The following INPP5A variants were observed in gnomAD, a reference collection of about 807,000 sequenced individuals.
INPP5A encodes 43 kDa inositol polyphosphate 5-phophatase.
In INPP5A, 14 loss-of-function variants were observed where a neutral mutation model predicts 65.2. That is an observed-to-expected ratio of 0.21 (90% CI 0.14 to 0.34). INPP5A has a LOEUF of 0.34. Among genes scored for constraint, INPP5A ranks in the 10% least tolerant of loss-of-function variants. The pLI, the probability that INPP5A is intolerant of heterozygous loss-of-function variation, is 1.00. For synonymous variants in INPP5A, 207 were observed against 208.3 expected (o/e 0.99, Z 0.05); for missense variants, 431 against 545.6 (o/e 0.79, Z 2.09).
At chr10:132,618,998 CTG>C (rs944637146) in intron 2 of INPP5A, among the ~76,000 whole-genome samples, 1 of 152,310 alleles carries the variant, frequency 6.6e-6, no homozygotes, top group African/African-American at 2.4e-5. Flanking sequence ...AATATACAAA[CTG>C]TATCATTCTG....
chr10:132,544,043 G>A (rs1021964817), intron 1 of INPP5A, among the ~76,000 whole-genome samples: 9 of 152,260 alleles, frequency 5.9e-5, no homozygotes, highest in Non-Finnish European at 1.0e-4. Flanking sequence ...TTGAGGGCCT[G>A]TCAGGCAGTC....
intron 11 of INPP5A, among the ~76,000 whole-genome samples, chr10:132,758,062 T>C (rs56184811): frequency 0.058 from 5,364 of 92,310 alleles, 148 homozygotes; most frequent in African/African-American, 0.12. Context: ...CAGGCCAGTG[T>C]GATGTCGTGG....
chr10:132,663,185 C>G lies in INPP5A; in HGVS notation c.306+12680C>G, dbSNP rs996401470. ...ATTTTCCATTTTATATACACATATGCGTATGTTATATAAAATTGAAAAGAC... is the reference window on the plus strand; with the variant it reads ...ATTTTCCATTTTATATACACATATGGGTATGTTATATAAAATTGAAAAGAC... On this transcript the variant is annotated intron_variant, in intron 4 of 15. Coordinates refer to ENST00000368594, the MANE Select transcript of INPP5A (RefSeq NM_005539.5). This position sits in a 1 kb window ranked among gnomAD's most constrained non-coding sequence, Gnocchi z 4.5. Among the ~76,000 whole-genome samples, 1 of 152,156 alleles carries G rather than the reference C, an allele frequency of 6.6e-6. No homozygotes were observed. The highest frequency in any genetic ancestry group is 1.9e-4 in the East Asian group (1 of 5,202).
chr10:132,704,576 G>A lies in INPP5A; in HGVS notation c.475-3737G>A, dbSNP rs1009054213. 1.3e-5 allele frequency among the ~76,000 whole-genome samples: 2 copies of A among 152,224 alleles called. No individual in the cohort carries two copies. The highest frequency in any genetic ancestry group is 4.8e-5 in the African/African-American group (2 of 41,456). On this transcript the variant is annotated intron_variant, in intron 6 of 15. Transcript: ENST00000368594. This position sits in a 1 kb window ranked among gnomAD's most constrained non-coding sequence, Gnocchi z 4.5. Reference sequence around the variant, plus strand: ...CTTGTACCCGAGGCCCCACAGCTGGGACTTGAACCTGGCAGCCTGGCAGTC... The same window carrying A: ...CTTGTACCCGAGGCCCCACAGCTGGAACTTGAACCTGGCAGCCTGGCAGTC...
intron 1 of INPP5A, among the ~76,000 whole-genome samples, chr10:132,569,622 G>T (rs1284618969): frequency 6.6e-6 from 1 of 152,154 alleles, no homozygotes; most frequent in Non-Finnish European, 1.5e-5. Context: ...CTCCCAAAGT[G>T]CTGGGATTAC....
chr10:132,759,221 T>C (rs911664677), intron 11 of INPP5A, among the ~76,000 whole-genome samples: 1 of 151,994 alleles, frequency 6.6e-6, no homozygotes, highest in Non-Finnish European at 1.5e-5. Context: ...GGACAGGAAG[T>C]CCCCAGGCCC....
At chr10:132,590,312 G>A (rs189109194) in intron 1 of INPP5A, among the ~76,000 whole-genome samples, 24 of 152,080 alleles carry the variant, frequency 1.6e-4, no homozygotes, top group East Asian at 5.8e-4. Flanking sequence ...TATCGTCTCC[G>A]TCTGTGATGA....
intron 2 of INPP5A, among the ~76,000 whole-genome samples, chr10:132,630,190 T>TGTCCATGAGGGGAAGGC (rs1564940933): frequency 2.6e-5 from 4 of 151,434 alleles, no homozygotes; most frequent in African/African-American, 9.7e-5. Flanking sequence ...GAGGGTAAGG[T>TGTCCATGAGGGGAAGGC]GTCCATGAGG....
At chr10:132,600,231 A>C (rs1409368790) in intron 1 of INPP5A, among the ~76,000 whole-genome samples, 2 of 152,250 alleles carry the variant, frequency 1.3e-5, no homozygotes, top group Non-Finnish European at 2.9e-5. Context: ...TGCCTTTAAC[A>C]GTACTGAAGT....
chr10:132,575,908 G>A lies in INPP5A; in HGVS notation c.76-32007G>A, dbSNP rs533346249. 6.6e-6 allele frequency among the ~76,000 whole-genome samples: 1 copy of A among 152,156 alleles called. No homozygotes were observed. The highest frequency in any genetic ancestry group is 1.5e-5 in the Non-Finnish European group (1 of 68,028). ...GGACCTGCTTGATGCCACTGACATC[G>A]CGGCTCTTGTGGACTGTGGAGCTGG... On this transcript the variant is annotated intron_variant, in intron 1 of 15. Coordinates refer to ENST00000368594, the MANE Select transcript of INPP5A (RefSeq NM_005539.5). This position sits in a 1 kb window ranked among gnomAD's most constrained non-coding sequence, Gnocchi z 5.4.
At position 132,726,770 on chromosome 10, in the gene INPP5A, GGGCTGGCC is replaced by G. The variant is rs764885610; in HGVS notation, c.648-46_648-39del. ...GGAGGAGCACCGGGGCCGGGCATGA[GGGCTGGCC>G]GGCTTCAGCGCCCTCGGTAACAAGT... On this transcript the variant is annotated intron_variant, in intron 8 of 15. Coordinates refer to ENST00000368594, the MANE Select transcript of INPP5A (RefSeq NM_005539.5). 4 of 1,366,750 alleles carry G rather than the reference GGGCTGGCC, an allele frequency of 2.9e-6. No individual in the cohort carries two copies. The East Asian group carries it at 9.3e-5, about 32-fold the overall frequency. The allele number at this position is 1,366,750 out of a possible 1,614,324, so 84.7% of individuals were successfully genotyped here.
intron 2 of INPP5A, among the ~76,000 whole-genome samples, chr10:132,639,895 G>A (rs540023049): frequency 6.6e-6 from 1 of 152,272 alleles, no homozygotes; most frequent in South Asian, 2.1e-4. Context: ...TTGTATAAAT[G>A]TTTTTAGTTT....
intron 6 of INPP5A, among the ~76,000 whole-genome samples, chr10:132,703,509 A>C (rs183672356): frequency 0.097 from 12,902 of 133,226 alleles, 745 homozygotes; most frequent in East Asian, 0.24. Flanking sequence ...CTTCACCCAC[A>C]CACACACACA....
rs991939192 is a variant in INPP5A at position 132,768,465 on chromosome 10, T to C, written c.977+2619T>C. On this transcript the variant is annotated intron_variant, in intron 12 of 15. Transcript: ENST00000368594. ...CACAGGCCTGGCTTCCTCTTCGGCATTTGGCTGGGTGAGATCAGCTTCCGC... is the reference window on the plus strand; with the variant it reads ...CACAGGCCTGGCTTCCTCTTCGGCACTTGGCTGGGTGAGATCAGCTTCCGC... Among the ~76,000 whole-genome samples, 8 of 152,358 alleles carry C rather than the reference T, an allele frequency of 5.3e-5. No individual in the cohort carries two copies. In the East Asian group the frequency reaches 1.2e-3, roughly 22 times the overall value.
chr10:132,606,068 T>C (rs919064097), intron 1 of INPP5A, among the ~76,000 whole-genome samples: 1 of 152,044 alleles, frequency 6.6e-6, no homozygotes, highest in Non-Finnish European at 1.5e-5. Context: ...GTGAACGGTG[T>C]GTCCAGGTGT....
intron 1 of INPP5A, among the ~76,000 whole-genome samples, chr10:132,596,997 TTG>T (rs1261941304): frequency 5.8e-5 from 8 of 137,920 alleles, no homozygotes; most frequent in South Asian, 2.3e-4. Context: ...GCACGTGTGT[TTG>T]TGTGCACGCT....
chr10:132,778,140 C>T (rs1297846396), intron 13 of INPP5A, among the ~76,000 whole-genome samples: 1 of 152,062 alleles, frequency 6.6e-6, no homozygotes, highest in Non-Finnish European at 1.5e-5. Flanking sequence ...TGGGCTGGGC[C>T]GTGAAGCGCA....
At chr10:132,712,290 ATG>A (rs2134536154) in intron 8 of INPP5A, among the ~76,000 whole-genome samples, 1 of 152,122 alleles carries the variant, frequency 6.6e-6, no homozygotes, top group Non-Finnish European at 1.5e-5. Flanking sequence ...ATGCACATGC[ATG>A]TGAGTGTATG....
Position 132,659,057 on chromosome 10 carries a change from CCCTGGGGATGAGCAG to C in INPP5A, c.306+8555_306+8569del, listed in dbSNP as rs373805281. 1.1e-3 allele frequency among the ~76,000 whole-genome samples: 173 copies of C among 152,312 alleles called. 2 individuals carry two copies. In the East Asian group the frequency reaches 0.026, roughly 23 times the overall value. On this transcript the variant is annotated intron_variant, in intron 4 of 15. Transcript: ENST00000368594. This position sits in a 1 kb window ranked among gnomAD's most constrained non-coding sequence, Gnocchi z 5.5. ...CAGCCACCAAGGCTACCGACCTGGG[CCCTGGGGATGAGCAG>C]CCCAGGAGGCGAAGATGCCTAGGTG...
Sources: allele counts gnomAD v4.1 joint callset (sites outside exome capture counted in the v4.1 genomes callset), GRCh38; gene constraint gnomAD v4.1.1; non-coding constraint Gnocchi (gnomAD v3.1); transcripts MANE v1.5; gene names NCBI Gene and HGNC (gene_info 2026-07-23, HGNC 2026-07-21).